The following TCTN2 variants were observed in gnomAD, a reference collection of about 807,000 sequenced individuals.
TCTN2 encodes tectonic-2.
In TCTN2, 66 loss-of-function variants were observed where a neutral mutation model predicts 83.4. The observed-to-expected ratio is 0.79, with a 90% confidence interval of 0.65 to 0.97. The LOEUF is 0.97. Ranked by LOEUF, TCTN2 falls within the 50% of genes least tolerant of loss-of-function variation. The pLI, the probability that TCTN2 is intolerant of heterozygous loss-of-function variation, is 0.00. For synonymous variants in TCTN2, 301 were observed against 326.7 expected (o/e 0.92, Z 0.85); for missense variants, 794 against 858.1 (o/e 0.93, Z 0.93).
In TCTN2 at chr12:123,672,056, G is replaced by A. The variant is rs1955759453; in HGVS notation, c.191G>A (p.Gly64Glu). 1.2e-6 allele frequency: 2 copies of A among 1,613,900 alleles called. No homozygotes were observed. Among genetic ancestry groups the A allele is most frequent in the African/African-American group, 2.7e-5 (2 of 74,900 alleles). ...VSLAVLQDEA[G>E]ILPIPTCGVL... is the part of the protein sequence containing the mutation. The stretch of plus-strand genomic sequence containing the variant: ...TTGCATGCTGGTCTTCTTTCTTTAG[G>A]AATATTGCCAATTCCGACGTGTGGA... Residue 64 changes from glycine (G) to glutamate (E), a missense_variant and splice_region_variant, in exon 3 of 18, where the codon GGA becomes GAA. Gly to Glu is a moderately conservative substitution (Grantham distance 98). Transcript: ENST00000303372.
At chr12:123,685,482 G>C (rs1234562637) in intron 5 of TCTN2, among the ~76,000 whole-genome samples, 1 of 152,036 alleles carries the variant, frequency 6.6e-6, no homozygotes, top group African/African-American at 2.4e-5. Flanking sequence ...GCAGTGGTGT[G>C]ATCTCTGCTC....
chr12:123,672,263 G>A (rs546969272), intron 3 of TCTN2, 131 bp downstream of exon 3: 1 of 875,036 alleles, frequency 1.1e-6, no homozygotes, highest in Admixed American at 1.9e-5. Context: ...GTGGGCTGTT[G>A]GATCTGGTAG....
chr12:123,685,872 C>T (rs1955959948), intron 5 of TCTN2, among the ~76,000 whole-genome samples: 1 of 150,738 alleles, frequency 6.6e-6, no homozygotes, highest in South Asian at 2.1e-4. Flanking sequence ...CACAGATGTC[C>T]ACCACCATGC....
chr12:123,676,306 C>T (rs535620216), intron 4 of TCTN2, among the ~76,000 whole-genome samples: 3 of 151,604 alleles, frequency 2.0e-5, no homozygotes, highest in South Asian at 2.1e-4. Context: ...CGGTGGCTCA[C>T]GCCTGTAATC....
chr12:123,686,094 A>G (rs181020913), intron 5 of TCTN2, among the ~76,000 whole-genome samples: 1 of 151,296 alleles, frequency 6.6e-6, no homozygotes, highest in African/African-American at 2.4e-5. Context: ...GTTTCCCAGG[A>G]TGGAGTGCAG....
rs749519963 is a variant in TCTN2 at position 123,704,623 on chromosome 12, C to A, written c.1704C>A (p.Ile568=). 5 of 1,613,414 alleles carry A rather than the reference C, an allele frequency of 3.1e-6. No homozygotes were observed. The highest frequency in any genetic ancestry group is 4.2e-6 in the Non-Finnish European group (5 of 1,179,936). Reference sequence around the variant, plus strand: ...TTCCTGCTCACCTGAGCATCCGCATCCTCATCTCGGATGCTGGCGCGGTGG... The same window carrying A: ...TTCCTGCTCACCTGAGCATCCGCATACTCATCTCGGATGCTGGCGCGGTGG... ...LDIPAHLSIR[I]LISDAGAVEG... The change falls in exon 15 of 18, where the codon ATC becomes ATA. Residue 568 remains isoleucine (I), a synonymous_variant. Coordinates refer to ENST00000303372, the MANE Select transcript of TCTN2 (RefSeq NM_024809.5).
At chr12:123,694,200 G>T (rs1956080474) in intron 9 of TCTN2, among the ~76,000 whole-genome samples, 1 of 151,932 alleles carries the variant, frequency 6.6e-6, no homozygotes, top group Admixed American at 6.6e-5. Flanking sequence ...TCACTGTGTT[G>T]GCCAGGCTGG....
At chr12:123,685,795 G>A (rs1364782039) in intron 5 of TCTN2, among the ~76,000 whole-genome samples, 5 of 147,046 alleles carry the variant, frequency 3.4e-5, no homozygotes, top group African/African-American at 1.3e-4. Flanking sequence ...GCCCAATCAT[G>A]GCTCACTGCA....
chr12:123,679,282 G>A lies in TCTN2; in HGVS notation c.557G>A (p.Cys186Tyr), dbSNP rs1440008415. The A allele has an allele frequency of 1.2e-6, 2 of 1,613,770 alleles. No homozygotes were observed. Among genetic ancestry groups the A allele is most frequent in the South Asian group, 1.1e-5 (1 of 91,074 alleles). The change falls in exon 5 of 18, where the codon TGT (cysteine) becomes TAT (tyrosine). Residue 186 changes from cysteine (C) to tyrosine (Y), a missense_variant. Physicochemically the swap from Cys to Tyr is radical, Grantham distance 194 (BLOSUM62 -2). Transcript: ENST00000303372. ...TAGACDVRCC[C>Y]DQECSSNLTT... is the part of the protein sequence containing the mutation. ...GGAGCCTGTGATGTTCGCTGCTGCT[G>A]TGACCAGGTATGTTCTTTGGTTATT...
intron 11 of TCTN2, 74 bp from the exon 12 acceptor site, chr12:123,696,341 T>C: frequency 1.6e-6 from 2 of 1,219,608 alleles, no homozygotes. Flanking sequence ...TGCATGACTC[T>C]TGTATTATTT....
intron 8 of TCTN2, among the ~76,000 whole-genome samples, chr12:123,691,159 G>A (rs1026885060): frequency 1.3e-5 from 2 of 152,106 alleles, no homozygotes; most frequent in Admixed American, 6.6e-5. Context: ...GTAAGCCATC[G>A]CGTCCCACCA....
At chr12:123,671,943 G>T in intron 2 of TCTN2, 113 bp from the exon 3 acceptor site, 1 of 917,796 alleles carries the variant, frequency 1.1e-6, no homozygotes, top group Non-Finnish European at 1.8e-6. Context: ...CAAGCAGCTT[G>T]TAAAGGGCCC....
chr12:123,703,985 T>A (rs1305837278), intron 14 of TCTN2, among the ~76,000 whole-genome samples: 1 of 150,828 alleles, frequency 6.6e-6, no homozygotes, highest in African/African-American at 2.4e-5. Context: ...TTCCAGTGAC[T>A]GGCTAACATA....
At chr12:123,702,891 T>G (rs1311597412) in intron 14 of TCTN2, among the ~76,000 whole-genome samples, 1 of 152,114 alleles carries the variant, frequency 6.6e-6, no homozygotes, top group South Asian at 2.1e-4. Context: ...AGAAGAGAAG[T>G]GGTGTTGACA....
chr12:123,678,393 G>A (rs1050069029), intron 4 of TCTN2, among the ~76,000 whole-genome samples: 11 of 152,210 alleles, frequency 7.2e-5, no homozygotes, highest in South Asian at 2.1e-4. Flanking sequence ...TTTTGGATAC[G>A]TTGGGTTCAG....
At chr12:123,671,360 C>T (rs376471085) in intron 1 of TCTN2, 38 bp downstream of exon 1, 2 of 1,607,320 alleles carry the variant, frequency 1.2e-6, no homozygotes, top group Admixed American at 3.4e-5. Context: ...TGGGCCGGGG[C>T]TGAGGGGACT....
At position 123,671,398 on chromosome 12, in the gene TCTN2, C is replaced by A. The variant is rs969081884; in HGVS notation, c.82+76C>A. On this transcript the variant is annotated intron_variant, in intron 1 of 17. Transcript: ENST00000303372. ...GCGTTAAAAGGGCCAGACTTGGACT[C>A]CCCCGGGAGCTTCGGGAGTCGACAA... is the stretch of plus-strand genomic sequence containing the variant. 5 of 1,593,448 alleles carry A rather than the reference C, an allele frequency of 3.1e-6. No individual in the cohort carries two copies. In the African/African-American group the frequency reaches 6.7e-5, roughly 21 times the overall value.
chr12:123,699,988 T>G, intron 14 of TCTN2, 178 bp downstream of exon 14: 1 of 663,446 alleles, frequency 1.5e-6, no homozygotes, highest in Non-Finnish European at 2.7e-6. Context: ...CTTTTTCTTC[T>G]TATTCACAAT....
At position 123,686,836 on chromosome 12, in the gene TCTN2, G is replaced by A. The variant is rs1214197037; in HGVS notation, c.565G>A (p.Glu189Lys). 6.2e-7 allele frequency: 1 copy of A among 1,614,188 alleles called. No homozygotes were observed. Among genetic ancestry groups the A allele is most frequent in the South Asian group, 1.1e-5 (1 of 91,086 alleles). The part of the protein sequence containing the change: ...ACDVRCCCDQ[E>K]CSSNLTTLFR... ...TCCTGCCTTTATGTTTGTCTTCCAG[G>A]AATGCTCATCAAATTTAACAACGCT... The change falls in exon 6 of 18, where the codon GAA becomes AAA. Residue 189 changes from glutamate (E) to lysine (K), a missense_variant and splice_region_variant. Glu to Lys is a moderately conservative substitution (Grantham distance 56). Transcript: ENST00000303372.
Sources: allele counts gnomAD v4.1 joint callset (sites outside exome capture counted in the v4.1 genomes callset), GRCh38; gene constraint gnomAD v4.1.1; transcripts MANE v1.5; gene names NCBI Gene and HGNC (gene_info 2026-07-23, HGNC 2026-07-21).